Variants in NIT2 observed in about 807,000 individuals in gnomAD.
NIT2 encodes nitrilase family member 2.
In NIT2, 46 loss-of-function variants were observed where a neutral mutation model predicts 42.7. The observed-to-expected ratio is 1.08, with a 90% CI of 0.85 to 1.38. NIT2 has a LOEUF of 1.38. Ranked by LOEUF, NIT2 falls within the 40% of genes most tolerant of loss-of-function variation. The pLI, the probability that NIT2 is intolerant of heterozygous loss-of-function variation, is 0.00. For synonymous variants in NIT2, 123 were observed against 121.9 expected, an observed-to-expected ratio of 1.01 and a Z score of -0.06; for missense variants, 309 against 342.5, an observed-to-expected ratio of 0.90 and a Z score of 0.77.
chr3:100,339,048 G>C (rs150636926), intron 1 of NIT2, 39 bp from the exon 2 acceptor site: 2 of 1,398,650 alleles, frequency 1.4e-6, no homozygotes, highest in East Asian at 2.3e-5. Flanking sequence ...CCAGCAGTTC[G>C]ATCTTCTGAT....
At position 100,343,785 on chromosome 3, in the gene NIT2, G is replaced by A. The variant is rs112182827; in HGVS notation, c.337-1800G>A. 8.4e-3 allele frequency among the ~76,000 whole-genome samples: 1,283 copies of A among 152,286 alleles called. 16 individuals carry two copies. The highest frequency in any genetic ancestry group is 0.029 in the African/African-American group (1,213 of 41,558). On this transcript the variant is annotated intron_variant, in intron 4 of 9. Coordinates refer to ENST00000394140, the MANE Select transcript of NIT2 (RefSeq NM_020202.5). ...AATTATAACATCTGGGTCATGGCAG[G>A]ATCTGTGTTCATTTGATTGCCTTTT...
rs780486223 is a variant in NIT2 at position 100,348,801 on chromosome 3, A to G, written c.506-2A>G. ...CTGTTCTTTGGCTTTTCTCTCCCCAAGGCTGCCAGCTGTTGGTATATCCAG... is the reference window on the plus strand; with the variant it reads ...CTGTTCTTTGGCTTTTCTCTCCCCAGGGCTGCCAGCTGTTGGTATATCCAG... On this transcript the variant is annotated splice_acceptor_variant, in intron 6 of 9. Coordinates refer to ENST00000394140, the MANE Select transcript of NIT2 (RefSeq NM_020202.5). LOFTEE classifies it high-confidence loss of function. The G allele has an allele frequency of 3.7e-6, 6 of 1,613,810 alleles. No individual in the cohort carries two copies. Among genetic ancestry groups the G allele is most frequent in the Non-Finnish European group, 4.2e-6 (5 of 1,179,850 alleles).
Position 100,361,591 on chromosome 3 carries a change from G to A in NIT2, c.*6323G>A, listed in dbSNP as rs1352463479. On this transcript the variant is annotated 3_prime_UTR_variant, in exon 10 of 10. Coordinates refer to ENST00000394140, the MANE Select transcript of NIT2 (RefSeq NM_020202.5). ...GCTGTCAACTCCTAATATGATTTGT[G>A]CACTATCACCTTGAAGTAAACCAGA... 1 of 152,138 alleles carries A rather than the reference G, an allele frequency of 6.6e-6. No individual in the cohort carries two copies. Among genetic ancestry groups the A allele is most frequent in the Non-Finnish European group, 1.5e-5 (1 of 68,026 alleles). 9.4% of individuals were successfully genotyped at this position (152,138 alleles called of 1,614,324 possible). A position where few individuals can be genotyped will look rare whatever the true frequency, so the allele number is the denominator to read the frequency against.
chr3:100,349,008 A>G, intron 7 of NIT2, 127 bp downstream of exon 7: 1 of 721,250 alleles, frequency 1.4e-6, no homozygotes, highest in Non-Finnish European at 2.4e-6. Context: ...CTTGTATCCA[A>G]ATGCAGTTGG....
rs974257123 is a variant in NIT2 at position 100,361,109 on chromosome 3, A to G, written c.*5841A>G. ...GTCTTCTGCCAGCATTCAGAAAACT[A>G]GTTTTCAAGAAGGGTAACATCTTAG... is the stretch of plus-strand genomic sequence containing the variant. On this transcript the variant is annotated 3_prime_UTR_variant, in exon 10 of 10. Coordinates refer to ENST00000394140, the MANE Select transcript of NIT2 (RefSeq NM_020202.5). 1 of 152,992 alleles carries G rather than the reference A, an allele frequency of 6.5e-6. No homozygotes were observed. The highest frequency in any genetic ancestry group is 2.4e-5 in the African/African-American group (1 of 41,476). The allele number at this position is 152,992 out of a possible 1,614,324, so 9.5% of individuals were successfully genotyped here.
Position 100,341,344 on chromosome 3 carries a change from C to T in NIT2, c.336+183C>T, listed in dbSNP as rs573563484. Among the ~76,000 whole-genome samples the T allele has an allele frequency of 2.6e-5, 4 of 152,248 alleles. No homozygotes were observed. The South Asian group carries it at 8.3e-4, about 32-fold the overall frequency. The stretch of plus-strand genomic sequence containing the variant: ...ATTTTTATATAAGTTTTAGACTCAG[C>T]CTGTCAATTTCTGCAAAGGAACAAG... On this transcript the variant is annotated intron_variant, in intron 4 of 9. Transcript: ENST00000394140.
rs773832270 is a variant in NIT2, at chr3:100,345,567, C to G, written c.337-18C>G. On this transcript the variant is annotated intron_variant, in intron 4 of 9. Transcript: ENST00000394140. Reference sequence around the variant, plus strand: ...CCTGCTGGAAAAGAGGTAACCAAATCCATTATTTGTGATGCAGATCCATCT... The same window carrying G: ...CCTGCTGGAAAAGAGGTAACCAAATGCATTATTTGTGATGCAGATCCATCT... 4.7e-5 allele frequency: 73 copies of G among 1,560,444 alleles called. No individual in the cohort carries two copies. In the Middle Eastern group the frequency reaches 6.7e-4, roughly 14 times the overall value.
chr3:100,351,279 A>C (rs1304267364), intron 7 of NIT2, among the ~76,000 whole-genome samples: 1 of 152,226 alleles, frequency 6.6e-6, no homozygotes. Context: ...ATGGAACCAA[A>C]AAAGAGCCCG....
intron 7 of NIT2, 92 bp from the exon 8 acceptor site, chr3:100,352,312 C>G: frequency 2.1e-6 from 2 of 958,898 alleles, no homozygotes; most frequent in Admixed American, 3.8e-5. Context: ...CTGAACTATC[C>G]TATTTTTTAA....
At chr3:100,354,890 A>G in intron 9 of NIT2, 63 bp downstream of exon 9, 2 of 1,370,150 alleles carry the variant, frequency 1.5e-6, no homozygotes, top group South Asian at 2.5e-5. Context: ...GCCAGACTCC[A>G]TGGCTGGGAA....
chr3:100,351,337 C>T (rs1267585128), intron 7 of NIT2, among the ~76,000 whole-genome samples: 8 of 152,180 alleles, frequency 5.3e-5, no homozygotes, highest in Non-Finnish European at 7.3e-5. Flanking sequence ...GGAGGCATCA[C>T]GCTACCTGAC....
intron 4 of NIT2, among the ~76,000 whole-genome samples, chr3:100,343,753 A>G (rs990253664): frequency 3.9e-5 from 6 of 152,226 alleles, no homozygotes; most frequent in Non-Finnish European, 8.8e-5. Flanking sequence ...GCAAACAACA[A>G]GAAAAAAATT....
Position 100,335,283 on chromosome 3 carries a change from C to T in NIT2, c.7+485C>T, listed in dbSNP as rs578198951. ...TGTTCAGTGACTTTGTGCAGCTTTC[C>T]CCCTGCAAGTCCCCTGTTTCTTTAT... On this transcript the variant is annotated intron_variant, in intron 1 of 9. Coordinates refer to ENST00000394140, the MANE Select transcript of NIT2 (RefSeq NM_020202.5). Among the ~76,000 whole-genome samples, 29 of 152,182 alleles carry T rather than the reference C, an allele frequency of 1.9e-4. 1 individual carries two copies. Among genetic ancestry groups the T allele is most frequent in the Non-Finnish European group, 3.1e-4 (21 of 68,038 alleles).
chr3:100,344,811 A>G (rs1353234013), intron 4 of NIT2, among the ~76,000 whole-genome samples: 2 of 151,518 alleles, frequency 1.3e-5, no homozygotes, highest in Non-Finnish European at 2.9e-5. Context: ...ATGTCTGGCA[A>G]ATTTTTGTAT....
chr3:100,347,257 A>G (rs1706227306), intron 6 of NIT2, among the ~76,000 whole-genome samples: 1 of 151,866 alleles, frequency 6.6e-6, no homozygotes, highest in Admixed American at 6.6e-5. Context: ...CACCAGGCCC[A>G]GCTAATTTTT....
At chr3:100,336,797 A>T (rs1559822231) in intron 1 of NIT2, among the ~76,000 whole-genome samples, 1 of 152,080 alleles carries the variant, frequency 6.6e-6, no homozygotes, top group African/African-American at 2.4e-5. Context: ...CAGGAGACAG[A>T]TGCCTGCCTT....
Position 100,334,771 on chromosome 3 carries a change from G to T in NIT2, c.-21G>T. On this transcript the variant is annotated 5_prime_UTR_variant, in exon 1 of 10. Transcript: ENST00000394140. ...CTCCAGCGCTCAGTCCGCGCCGCAG[G>T]TGGTGCTTGTCTGCAGAGTCATGAC... 1 of 1,303,212 alleles carries T rather than the reference G, an allele frequency of 7.7e-7. No homozygotes were observed. The allele number at this position is 1,303,212 out of a possible 1,614,324, so 80.7% of individuals were successfully genotyped here.
At chr3:100,348,750 G>A in intron 6 of NIT2, 53 bp from the exon 7 acceptor site, 1 of 1,444,920 alleles carries the variant, frequency 6.9e-7, no homozygotes, top group Non-Finnish European at 9.7e-7. Flanking sequence ...GGGAGGACTG[G>A]TTTTGTTGAG....
In NIT2 at chr3:100,357,264, G is replaced by GTTAAACCTTGTAATAGTGCGAAAT. The variant is rs1340357946; in HGVS notation, c.*1997_*2020dup. On this transcript the variant is annotated 3_prime_UTR_variant, in exon 10 of 10. Transcript: ENST00000394140. ...CTCTATCCTAGCAGGCACACTGAAA[G>GTTAAACCTTGTAATAGTGCGAAAT]TTAAACCTTGTAATAGTGCGAAATC... 15 of 152,110 alleles carry GTTAAACCTTGTAATAGTGCGAAAT rather than the reference G, an allele frequency of 9.9e-5. No homozygotes were observed. The highest frequency in any genetic ancestry group is 8.5e-4 in the Admixed American group (13 of 15,266). The allele number at this position is 152,110 out of a possible 1,614,324, so 9.4% of individuals were successfully genotyped here.
Sources: gnomAD v4.1 joint callset for allele counts (sites outside exome capture counted in the v4.1 genomes callset) on GRCh38, gnomAD v4.1.1 for gene constraint, MANE v1.5 for transcripts, NCBI Gene and HGNC (gene_info 2026-07-23, HGNC 2026-07-21) for gene names.